PIK3R3: variants seen among roughly 807,000 people sequenced by gnomAD.
The protein encoded by PIK3R3 is phosphoinositide-3-kinase regulatory subunit 3.
A neutral mutation model predicts 62.9 loss-of-function variants in PIK3R3; 64 were observed. That is an observed-to-expected ratio of 1.02 (90% CI 0.83 to 1.25). The LOEUF is 1.25. Ranked by LOEUF, PIK3R3 falls within the 50% of genes most tolerant of loss-of-function variation. PIK3R3 has a pLI of 0.00. For synonymous variants in PIK3R3, 165 were observed against 189.0 expected, an observed-to-expected ratio of 0.87 and a Z score of 1.04; for missense variants, 614 against 561.6, an observed-to-expected ratio of 1.09 and a Z score of -0.94.
chr1:46,070,982 T>C (rs1649427039), intron 3 of PIK3R3, among the ~76,000 whole-genome samples: 1 of 152,194 alleles, frequency 6.6e-6, no homozygotes, highest in South Asian at 2.1e-4. Context: ...GAAAAATCTC[T>C]ATTTCTTCAC....
At chr1:46,070,701 C>T (rs932154536) in intron 3 of PIK3R3, among the ~76,000 whole-genome samples, 3 of 152,084 alleles carry the variant, frequency 2.0e-5, no homozygotes, top group Admixed American at 6.6e-5. Flanking sequence ...AATTTAATAC[C>T]GTGTTGGAAT....
the PIK3R3 span, among the ~76,000 whole-genome samples, chr1:46,145,756 G>T: frequency 6.6e-6 from 1 of 152,100 alleles, no homozygotes; most frequent in South Asian, 2.1e-4. Context: ...CATAGCAATC[G>T]CCTTACAAAT....
intron 7 of PIK3R3, among the ~76,000 whole-genome samples, chr1:46,049,670 T>A (rs1425950594): frequency 6.6e-6 from 1 of 152,218 alleles, no homozygotes; most frequent in Non-Finnish European, 1.5e-5. Context: ...CACAAAGGAC[T>A]TTGTGCTCCT....
the PIK3R3 span, among the ~76,000 whole-genome samples, chr1:46,162,698 T>G: frequency 6.6e-6 from 1 of 152,132 alleles, no homozygotes; most frequent in Non-Finnish European, 1.5e-5. Flanking sequence ...CTCGACTCAC[T>G]GCGACTTCCA....
At position 46,068,467 on chromosome 1, in the gene PIK3R3, GA is replaced by G. The variant is rs545526208; in HGVS notation, c.315-1377del. On this transcript the variant is annotated intron_variant, in intron 3 of 9. Transcript: ENST00000262741. ...GGAAGATAACAAACTTCTCAAGATA[GA>G]ACACAAAAATAAACAACTAAATATA... 3.5e-3 allele frequency among the ~76,000 whole-genome samples: 529 copies of G among 152,128 alleles called. 1 individual carries two copies. Among genetic ancestry groups the G allele is most frequent in the South Asian group, 7.3e-3 (35 of 4,820 alleles).
the PIK3R3 span, among the ~76,000 whole-genome samples, chr1:46,162,270 C>T: frequency 6.6e-6 from 1 of 151,866 alleles, no homozygotes; most frequent in Non-Finnish European, 1.5e-5. Context: ...ACCACTTGAG[C>T]CCAGGAGTTA....
chr1:46,099,454 C>T (rs1402044627), intron 1 of PIK3R3, among the ~76,000 whole-genome samples: 2 of 152,166 alleles, frequency 1.3e-5, no homozygotes, highest in Non-Finnish European at 2.9e-5. Context: ...CCCAAATTCC[C>T]TTATTTTTCC....
At chr1:46,089,406 T>C (rs1352902119) in intron 1 of PIK3R3, among the ~76,000 whole-genome samples, 1 of 152,174 alleles carries the variant, frequency 6.6e-6, no homozygotes, top group Non-Finnish European at 1.5e-5. Context: ...AAATTCTGTC[T>C]TTAAATTTAT....
At chr1:46,080,189 G>T (rs984006765) in intron 2 of PIK3R3, among the ~76,000 whole-genome samples, 1 of 150,906 alleles carries the variant, frequency 6.6e-6, no homozygotes, top group Admixed American at 6.6e-5. Context: ...AGCCTCCCAA[G>T]TAGCTGGGAT....
chr1:46,097,743 G>T (rs906262560), intron 1 of PIK3R3, among the ~76,000 whole-genome samples: 1 of 152,026 alleles, frequency 6.6e-6, no homozygotes, highest in African/African-American at 2.4e-5. Flanking sequence ...CAAGAAATCA[G>T]CCAGGTGTGG....
At chr1:46,120,991 TG>T (rs1367470023) in intron 1 of PIK3R3, among the ~76,000 whole-genome samples, 2 of 152,208 alleles carry the variant, frequency 1.3e-5, no homozygotes, top group Non-Finnish European at 2.9e-5. Flanking sequence ...GGATATGATA[TG>T]ATGCCTGGAA....
chr1:46,129,657 A>G (rs12090501), intron 1 of PIK3R3, among the ~76,000 whole-genome samples: 17,846 of 152,150 alleles, frequency 0.12, 1,376 homozygotes, highest in East Asian at 0.32. Flanking sequence ...AACATGCTGC[A>G]ACCACTTCAC....
At chr1:46,052,390 G>A (rs1271706795) in intron 7 of PIK3R3, among the ~76,000 whole-genome samples, 1 of 152,098 alleles carries the variant, frequency 6.6e-6, no homozygotes, top group Admixed American at 6.5e-5. Flanking sequence ...CTTAACTCAT[G>A]AGGAAAAAGA....
intron 1 of PIK3R3, among the ~76,000 whole-genome samples, chr1:46,098,487 A>G (rs774058214): frequency 2.6e-5 from 4 of 152,260 alleles, no homozygotes; most frequent in Non-Finnish European, 4.4e-5. Context: ...AAATATCCAC[A>G]GAGTGGAATA....
the PIK3R3 span, among the ~76,000 whole-genome samples, chr1:46,143,445 T>TTTC: frequency 1.8e-4 from 25 of 136,114 alleles, no homozygotes; most frequent in African/African-American, 6.8e-4. Flanking sequence ...GTTTGAGTGT[T>TTTC]TTGTTTTGTG....
Position 46,104,847 on chromosome 1 carries a change from GA to G in PIK3R3, c.107-24098del, listed in dbSNP as rs1653036713. On this transcript the variant is annotated intron_variant, in intron 1 of 9. Transcript: ENST00000262741. ...CTCAGGAAGCTAAGGCAGGGAACTTGAACCCGGGATGTGGAGGTTGCAGTGA... is the reference window on the plus strand; with the variant it reads ...CTCAGGAAGCTAAGGCAGGGAACTTGACCCGGGATGTGGAGGTTGCAGTGA... The G allele has an allele frequency of 3.4e-5, 14 of 413,536 alleles. No homozygotes were observed. The South Asian group carries it at 4.4e-4, about 13-fold the overall frequency. 25.6% of individuals were successfully genotyped at this position (413,536 alleles called of 1,614,324 possible).
intron 1 of PIK3R3, among the ~76,000 whole-genome samples, chr1:46,128,620 T>C (rs1445593569): frequency 2.0e-5 from 3 of 152,200 alleles, no homozygotes; most frequent in Non-Finnish European, 4.4e-5. Context: ...ACAATGTTCC[T>C]TATTTACTAA....
intron 7 of PIK3R3, chr1:46,048,122 A>C (rs1445611209): frequency 6.6e-6 from 1 of 152,174 alleles, no homozygotes; most frequent in African/African-American, 2.4e-5. Context: ...TCCCCAATAA[A>C]ATGTAAGCTG....
At chr1:46,125,612 A>T (rs1233969689) in intron 1 of PIK3R3, among the ~76,000 whole-genome samples, 1 of 152,208 alleles carries the variant, frequency 6.6e-6, no homozygotes, top group African/African-American at 2.4e-5. Context: ...CAGGTTGAAA[A>T]TACCAAGTAT....
Sources: gnomAD v4.1 joint callset for allele counts (sites outside exome capture counted in the v4.1 genomes callset) on GRCh38, gnomAD v4.1.1 for gene constraint, MANE v1.5 for transcripts, NCBI Gene and HGNC (gene_info 2026-07-23, HGNC 2026-07-21) for gene names.